HNRNPR: variants seen among roughly 807,000 people sequenced by gnomAD.
HNRNPR encodes the protein heterogeneous nuclear ribonucleoprotein R.
In HNRNPR, 4 loss-of-function variants were observed where a neutral mutation model predicts 70.3. That is an observed-to-expected ratio of 0.06 (90% CI 0.03 to 0.13). HNRNPR has a LOEUF of 0.13. HNRNPR is among the 10% of genes least tolerant of loss of function. The pLI is 1.00. For synonymous variants in HNRNPR, 241 were observed against 267.6 expected, an observed-to-expected ratio of 0.90 and a Z score of 0.97; for missense variants, 423 against 788.5, an observed-to-expected ratio of 0.54 and a Z score of 5.55.
At chr1:23,314,078 T>C (rs1645439408) in intron 8 of HNRNPR, among the ~76,000 whole-genome samples, 1 of 151,418 alleles carries the variant, frequency 6.6e-6, no homozygotes, top group Non-Finnish European at 1.5e-5. Context: ...TAAGCAAGAA[T>C]AACCAGGAAA....
chr1:23,310,394 A>T lies in HNRNPR; in HGVS notation c.*60T>A. 6.8e-7 allele frequency: 1 copy of T among 1,465,884 alleles called. No homozygotes were observed. The highest frequency in any genetic ancestry group is 9.1e-7 in the Non-Finnish European group (1 of 1,103,070). 90.8% of individuals were successfully genotyped at this position (1,465,884 alleles called of 1,614,324 possible). A position where few individuals can be genotyped will look rare whatever the true frequency, so the allele number is the denominator to read the frequency against. On this transcript the variant is annotated 3_prime_UTR_variant, in exon 11 of 11. Coordinates refer to ENST00000302271, the MANE Select transcript of HNRNPR (RefSeq NM_005826.5). The surrounding 1 kb of genome is among the most constrained non-coding windows in gnomAD (Gnocchi z 6.0). ...ACAGTTAAGCCAATTTTTTTTTTTGAAGAATGTAGATCTAGAGCCAATCGT... is the reference window on the plus strand; with the variant it reads ...ACAGTTAAGCCAATTTTTTTTTTTGTAGAATGTAGATCTAGAGCCAATCGT...
chr1:23,338,143 A>G, intron 3 of HNRNPR: 1 of 339,722 alleles, frequency 2.9e-6, no homozygotes, highest in Non-Finnish European at 5.3e-6. Flanking sequence ...GTCGGAAACT[A>G]TTCCTCCCAC....
intron 1 of HNRNPR, among the ~76,000 whole-genome samples, chr1:23,343,155 A>G (rs998451846): frequency 2.0e-5 from 3 of 152,204 alleles, no homozygotes; most frequent in African/African-American, 7.2e-5. Flanking sequence ...CAGCAAATAT[A>G]CTAACGTGAC....
At chr1:23,330,307 C>A (rs528709877) in intron 5 of HNRNPR, among the ~76,000 whole-genome samples, 1 of 152,000 alleles carries the variant, frequency 6.6e-6, no homozygotes, top group Non-Finnish European at 1.5e-5. Context: ...GAGGCCGAGG[C>A]GGGTGGATCA....
intron 4 of HNRNPR, among the ~76,000 whole-genome samples, chr1:23,335,253 A>G (rs1646422002): frequency 1.3e-5 from 2 of 152,194 alleles, no homozygotes; most frequent in Non-Finnish European, 2.9e-5. Context: ...GAACAATAAG[A>G]GACTTTAGAT....
chr1:23,335,242 A>G (rs576457285), intron 4 of HNRNPR, among the ~76,000 whole-genome samples: 15 of 152,346 alleles, frequency 9.8e-5, no homozygotes, highest in Admixed American at 9.1e-4. Context: ...ACACAATGTC[A>G]GAACAATAAG....
chr1:23,318,730 C>G lies in HNRNPR; in HGVS notation c.812-42G>C. ...CAGATATATAAGCCAAAAGCATCCACCACACATCTAGCGATTAGGCAGACC... is the reference window on the plus strand; with the variant it reads ...CAGATATATAAGCCAAAAGCATCCAGCACACATCTAGCGATTAGGCAGACC... On this transcript the variant is annotated intron_variant, in intron 7 of 10. Coordinates refer to ENST00000302271, the MANE Select transcript of HNRNPR (RefSeq NM_005826.5). This position sits in a 1 kb window ranked among gnomAD's most constrained non-coding sequence, Gnocchi z 4.2. 6.3e-7 allele frequency: 1 copy of G among 1,596,008 alleles called. No individual in the cohort carries two copies. The highest frequency in any genetic ancestry group is 1.1e-5 in the South Asian group (1 of 90,222).
At chr1:23,313,198 T>C (rs574004420) in intron 9 of HNRNPR, among the ~76,000 whole-genome samples, 34 of 152,308 alleles carry the variant, frequency 2.2e-4, no homozygotes, top group African/African-American at 7.5e-4. Context: ...GTTTCCTTCA[T>C]AGGTACACAA....
At chr1:23,329,664 C>CTCCG (rs1646137753) in intron 5 of HNRNPR, among the ~76,000 whole-genome samples, 1 of 152,204 alleles carries the variant, frequency 6.6e-6, no homozygotes, top group African/African-American at 2.4e-5. Flanking sequence ...AAGGTACTTG[C>CTCCG]TCCGTCACCC....
At chr1:23,316,012 C>A (rs902889379) in intron 8 of HNRNPR, among the ~76,000 whole-genome samples, 2 of 152,054 alleles carry the variant, frequency 1.3e-5, no homozygotes, top group African/African-American at 4.8e-5. Context: ...GAAAAAGGGT[C>A]CCTTTAAGAG....
intron 5 of HNRNPR, among the ~76,000 whole-genome samples, chr1:23,326,322 T>C (rs1452576745): frequency 6.6e-6 from 1 of 152,154 alleles, no homozygotes; most frequent in African/African-American, 2.4e-5. Context: ...TACAAGATAC[T>C]GTTATATGTG....
At chr1:23,312,769 T>C (rs1470366005) in intron 9 of HNRNPR, among the ~76,000 whole-genome samples, 1 of 152,078 alleles carries the variant, frequency 6.6e-6, no homozygotes, top group African/African-American at 2.4e-5. Context: ...CGACCAAACA[T>C]GCAGAAAAAG....
intron 10 of HNRNPR, 33 bp from the exon 11 acceptor site, chr1:23,311,099 C>T (rs779549097): frequency 6.2e-7 from 1 of 1,608,750 alleles, no homozygotes; most frequent in Non-Finnish European, 8.5e-7. Flanking sequence ...AAAGAAAAAA[C>T]AAATCAGTTT....
At chr1:23,335,268 T>A (rs2148463955) in intron 4 of HNRNPR, among the ~76,000 whole-genome samples, 1 of 152,322 alleles carries the variant, frequency 6.6e-6, no homozygotes, top group Non-Finnish European at 1.5e-5. Context: ...TTAGATATCA[T>A]CAAGTTCAGT....
At chr1:23,314,074 A>G (rs1480828256) in intron 8 of HNRNPR, among the ~76,000 whole-genome samples, 1 of 152,204 alleles carries the variant, frequency 6.6e-6, no homozygotes, top group African/African-American at 2.4e-5. Flanking sequence ...TAAATAAGCA[A>G]GAATAACCAG....
chr1:23,321,762 T>C, intron 6 of HNRNPR, 99 bp from the exon 7 acceptor site: 1 of 1,188,840 alleles, frequency 8.4e-7, no homozygotes, highest in Non-Finnish European at 1.2e-6. Context: ...AAACGCTCCC[T>C]GCTTCATCAA....
chr1:23,334,300 G>A (rs1646372753), intron 4 of HNRNPR, among the ~76,000 whole-genome samples: 2 of 144,122 alleles, frequency 1.4e-5, no homozygotes, highest in African/African-American at 2.6e-5. Context: ...GCAGTAGCGC[G>A]ATCTCGGCTC....
chr1:23,323,810 T>TA (rs1195603757), intron 5 of HNRNPR, 78 bp from the exon 6 acceptor site: 2 of 1,105,548 alleles, frequency 1.8e-6, no homozygotes, highest in Non-Finnish European at 2.7e-6. Context: ...CTTTTTTTTT[T>TA]AAAGATGGGG....
In HNRNPR at chr1:23,321,565, A is replaced by T. The variant is rs1645760701; in HGVS notation, c.774T>A (p.Thr258=). The T allele has an allele frequency of 1.2e-6, 2 of 1,613,440 alleles. No homozygotes were observed. Among genetic ancestry groups the T allele is most frequent in the African/African-American group, 2.7e-5 (2 of 75,040 alleles). ...TGAATTCTTCCAAAATGTTTTCTTT[A>T]GTCTTATTCTTCGGAATGGATCCAA... ...LFVGSIPKNK[T]KENILEEFSK... The change falls in exon 7 of 11, where the codon ACT becomes ACA. Residue 258 remains threonine (T), a synonymous_variant. Transcript: ENST00000302271.
Sources: gnomAD v4.1 joint callset for allele counts (sites outside exome capture counted in the v4.1 genomes callset) on GRCh38, gnomAD v4.1.1 for gene constraint, Gnocchi (gnomAD v3.1) non-coding constraint, MANE v1.5 for transcripts, NCBI Gene and HGNC (gene_info 2026-07-23, HGNC 2026-07-21) for gene names.